DNAH10: variants seen among roughly 807,000 people sequenced by gnomAD.
DNAH10 encodes the protein dynein axonemal heavy chain 10.
DNAH10 carries 348 observed loss-of-function variants against 506.6 expected under a neutral mutation model. That is an observed-to-expected ratio of 0.69 (90% CI 0.63 to 0.75). The LOEUF (loss-of-function observed/expected upper bound fraction) is 0.75, where lower values mean the gene tolerates loss of function less well. Among genes scored for constraint, DNAH10 ranks in the 30% least tolerant of loss-of-function variants. The pLI, the probability that DNAH10 is intolerant of heterozygous loss-of-function variation, is 0.00. For synonymous variants in DNAH10, 2,059 were observed against 2,198.6 expected (o/e 0.94, Z 1.78); for missense variants, 5,179 against 5,787.1 (o/e 0.89, Z 3.41).
At chr12:123,874,733 T>C (rs1359264615) in intron 46 of DNAH10, among the ~76,000 whole-genome samples, 1 of 152,226 alleles carries the variant, frequency 6.6e-6, no homozygotes, top group East Asian at 1.9e-4. Flanking sequence ...CAAATGCTTG[T>C]CTTAAAGCTT....
chr12:123,826,606 A>T, intron 24 of DNAH10, 81 bp from the exon 25 acceptor site: 1 of 1,280,538 alleles, frequency 7.8e-7, no homozygotes, highest in Non-Finnish European at 1.1e-6. Flanking sequence ...TCTGAACGTG[A>T]CTAAGAGTCA....
Position 123,931,426 on chromosome 12 carries a change from G to A in DNAH10, c.12870G>A (p.Ala4290=), listed in dbSNP as rs373714467. The change falls in exon 74 of 79, where the codon GCG becomes GCA. Residue 4290 remains alanine, a synonymous_variant. Coordinates refer to ENST00000673944, the MANE Select transcript of DNAH10 (RefSeq NM_001372106.1). ...PNAEIGYYTQ[A]ARDMWAHLLE... ...CTGAGATTGGCTATTACACGCAGGC[G>A]GCTCGAGACATGTGGGCTCACCTGC... 363 of 1,613,956 alleles carry A rather than the reference G, an allele frequency of 2.2e-4. 1 individual carries two copies. The East Asian group carries it at 6.4e-3, about 28-fold the overall frequency.
rs776599313 is a variant in DNAH10, at chr12:123,931,401, C to T, written c.12845C>T (p.Ala4282Val). 1.2e-6 allele frequency: 2 copies of T among 1,614,002 alleles called. No homozygotes were observed. Among genetic ancestry groups the T allele is most frequent in the Non-Finnish European group, 1.7e-6 (2 of 1,179,908 alleles). The change falls in exon 74 of 79, where the codon GCT (alanine) becomes GTT (valine). Residue 4282 changes from alanine (A) to valine (V), a missense_variant. Ala to Val is a moderately conservative substitution (Grantham distance 64, BLOSUM62 0). Around this residue, in one of 3 missense-constraint regions of DNAH10, gnomAD observed 4,844 missense variants for 5,430.5 expected, o/e 0.89. Coordinates refer to ENST00000673944, the MANE Select transcript of DNAH10 (RefSeq NM_001372106.1). ...GAAGTGTTTGGTCTCCACCCCAACG[C>T]TGAGATTGGCTATTACACGCAGGCG... ...TPEVFGLHPNAEIGYYTQAAR... is the reference protein window; with the variant it reads ...TPEVFGLHPNVEIGYYTQAAR...
chr12:123,931,997 T>C lies in DNAH10; in HGVS notation c.13185T>C (p.Leu4395=). 6.2e-7 allele frequency: 1 copy of C among 1,614,040 alleles called. No homozygotes were observed. Among genetic ancestry groups the C allele is most frequent in the Non-Finnish European group, 8.5e-7 (1 of 1,179,896 alleles). Residue 4395 remains leucine, a synonymous_variant, in exon 76 of 79, where the codon CTT becomes CTC. Transcript: ENST00000673944. ...AGTTAGATGATGTGGCCAGGTCTCT[T>C]TTTATCGGGCATATCCCTAATATCT... ...SNELDDVARS[L]FIGHIPNIWR...
chr12:123,923,135 A>G (rs1954800976), intron 65 of DNAH10: 1 of 152,230 alleles, frequency 6.6e-6, no homozygotes, highest in Non-Finnish European at 1.5e-5. Flanking sequence ...CCATTAATAA[A>G]GAGTCTGTTG....
chr12:123,935,531 G>GGA lies in DNAH10; in HGVS notation c.*50_*51insGA, dbSNP rs57292191. On this transcript the variant is annotated 3_prime_UTR_variant, in exon 79 of 79. Transcript: ENST00000673944. ...ATGAATTCGGAGCCTGGGGTTGTCAGAGTGATCGGGTCTGCTGTCATTTCT... is the reference window on the plus strand; with the variant it reads ...ATGAATTCGGAGCCTGGGGTTGTCAGGAAGTGATCGGGTCTGCTGTCATTTCT... The GGA allele has an allele frequency of 3.2e-6, 5 of 1,547,406 alleles. No homozygotes were observed. Among genetic ancestry groups the GGA allele is most frequent in the Non-Finnish European group, 4.4e-6 (5 of 1,131,126 alleles).
At position 123,803,774 on chromosome 12, in the gene DNAH10, G is replaced by C; in HGVS notation, c.2728G>C (p.Ala910Pro). 1 of 1,611,752 alleles carries C rather than the reference G, an allele frequency of 6.2e-7. No homozygotes were observed. The highest frequency in any genetic ancestry group is 8.5e-7 in the Non-Finnish European group (1 of 1,179,572). The change falls in exon 17 of 79, where the codon GCC (alanine) becomes CCC (proline). Residue 910 changes from alanine (A) to proline (P), a missense_variant. By Grantham distance (27) the Ala-to-Pro change is conservative. Transcript: ENST00000673944. ...DISSRLTLIEAINLFKYPAAK... is the reference protein window; with the variant it reads ...DISSRLTLIEPINLFKYPAAK... ...TTCTTCCAGGCTGACATTAATAGAG[G>C]CCATAAATCTCTTTAAATATCCAGC... is the stretch of plus-strand genomic sequence containing the variant.
Position 123,909,454 on chromosome 12 carries a change from C to T in DNAH10, c.9997+12C>T, listed in dbSNP as rs1285732660. 6.4e-7 allele frequency: 1 copy of T among 1,555,802 alleles called. No individual in the cohort carries two copies. The highest frequency in any genetic ancestry group is 8.7e-7 in the Non-Finnish European group (1 of 1,147,902). ...GAAAAACATCAAAGGTGAGTGTAGCCACGTGTGGGAATCGCCAGGGTGGAT... is the reference window on the plus strand; with the variant it reads ...GAAAAACATCAAAGGTGAGTGTAGCTACGTGTGGGAATCGCCAGGGTGGAT... On this transcript the variant is annotated intron_variant, in intron 58 of 78. Coordinates refer to ENST00000673944, the MANE Select transcript of DNAH10 (RefSeq NM_001372106.1). The surrounding 1 kb of genome is among the most constrained non-coding windows in gnomAD (Gnocchi z 5.4).
chr12:123,772,177 C>T (rs913087847), intron 3 of DNAH10, among the ~76,000 whole-genome samples: 3 of 152,164 alleles, frequency 2.0e-5, no homozygotes, highest in Non-Finnish European at 4.4e-5. Context: ...TTACTCAGCT[C>T]CCCTTCATCT....
At chr12:123,834,489 T>C (rs1327766866) in intron 27 of DNAH10, among the ~76,000 whole-genome samples, 1 of 152,232 alleles carries the variant, frequency 6.6e-6, no homozygotes, top group African/African-American at 2.4e-5. Context: ...ATTATAGGCA[T>C]GAGCCACTGT....
In DNAH10 at chr12:123,801,294, A is replaced by T; in HGVS notation, c.2476A>T (p.Ile826Leu). The T allele has an allele frequency of 6.2e-7, 1 of 1,614,046 alleles. No homozygotes were observed. The change falls in exon 16 of 79, where the codon ATA becomes TTA. Residue 826 changes from isoleucine (I) to leucine (L), a missense_variant. Ile to Leu is a conservative substitution (Grantham distance 5, BLOSUM62 2). Around this residue, in one of 3 missense-constraint regions of DNAH10, gnomAD observed 4,844 missense variants for 5,430.5 expected, o/e 0.89. Coordinates refer to ENST00000673944, the MANE Select transcript of DNAH10 (RefSeq NM_001372106.1). ...EDKFLRYTAG[I>L]QRMLDHYHML... The stretch of plus-strand genomic sequence containing the variant: ...TGTCATGTGCAGGTACACAGCTGGG[A>T]TACAGCGCATGTTGGATCATTATCA...
chr12:123,772,883 C>T lies in DNAH10; in HGVS notation c.446C>T (p.Thr149Ile), dbSNP rs1464778576. ...MEKMHLHMLC[T>I]PLPEEFLDQN... ...AAGATGCATCTCCACATGCTCTGTA[C>T]CCCTCTTCCCGAGGAGTTCCTGGAC... Residue 149 changes from threonine to isoleucine, a missense_variant, in exon 4 of 79, where the codon ACC becomes ATC. Thr to Ile is a moderately conservative substitution (Grantham distance 89, BLOSUM62 -1). Transcript: ENST00000673944. The T allele has an allele frequency of 2.5e-6, 4 of 1,612,878 alleles. No homozygotes were observed. The highest frequency in any genetic ancestry group is 3.4e-6 in the Non-Finnish European group (4 of 1,179,602).
At chr12:123,782,232 G>A (rs1438791435) in intron 6 of DNAH10, among the ~76,000 whole-genome samples, 1 of 150,308 alleles carries the variant, frequency 6.7e-6, no homozygotes, top group Non-Finnish European at 1.5e-5. Flanking sequence ...TTTTTTCATA[G>A]CATCCTGTTC....
chr12:123,927,289 T>C (rs76978168), intron 69 of DNAH10: 5,761 of 173,790 alleles, frequency 0.033, 336 homozygotes, highest in African/African-American at 0.12. Context: ...ACTCCTGGGC[T>C]CAAGCGATCC....
intron 39 of DNAH10, among the ~76,000 whole-genome samples, chr12:123,862,904 C>T (rs1951666192): frequency 6.6e-6 from 1 of 152,124 alleles, no homozygotes; most frequent in African/African-American, 2.4e-5. Flanking sequence ...CTGCAATTGA[C>T]TCTCAAATGA....
At chr12:123,781,686 A>T (rs1388154745) in intron 6 of DNAH10, among the ~76,000 whole-genome samples, 1 of 152,040 alleles carries the variant, frequency 6.6e-6, no homozygotes, top group Non-Finnish European at 1.5e-5. Flanking sequence ...GGCTGGTCTT[A>T]AACTCCTGAC....
At chr12:123,799,045 T>A (rs974957423) in intron 13 of DNAH10, among the ~76,000 whole-genome samples, 1 of 146,014 alleles carries the variant, frequency 6.8e-6, no homozygotes, top group Non-Finnish European at 1.5e-5. Context: ...GCGAAGGATG[T>A]AGTGAGCTGA....
chr12:123,828,350 G>A (rs377468213), intron 25 of DNAH10, among the ~76,000 whole-genome samples: 87 of 152,234 alleles, frequency 5.7e-4, no homozygotes, highest in African/African-American at 1.8e-3. Context: ...TTATTTTAGA[G>A]AAAACAAACC....
At chr12:123,911,052 G>C (rs567877135) in intron 59 of DNAH10, among the ~76,000 whole-genome samples, 18 of 150,442 alleles carry the variant, frequency 1.2e-4, no homozygotes, top group African/African-American at 4.4e-4. Flanking sequence ...CAAAAAAAAA[G>C]TTTTTTAATT....
Sources: gnomAD v4.1 joint callset for allele counts (sites outside exome capture counted in the v4.1 genomes callset) on GRCh38, gnomAD v4.1.1 for gene constraint, gnomAD v4.1.1 regional missense constraint, Gnocchi (gnomAD v3.1) non-coding constraint, MANE v1.5 for transcripts, NCBI Gene and HGNC (gene_info 2026-07-23, HGNC 2026-07-21) for gene names.